Variants in CHN2 observed in about 807,000 individuals in gnomAD.
CHN2 encodes the protein beta-chimaerin.
A neutral mutation model predicts 56.3 loss-of-function variants in CHN2; 35 were observed. The ratio of observed to expected loss-of-function variants is 0.62; its 90% confidence interval spans 0.47 to 0.82. The LOEUF (loss-of-function observed/expected upper bound fraction) is 0.82, where lower values mean the gene tolerates loss of function less well. Ranked by LOEUF, CHN2 falls within the 40% of genes least tolerant of loss-of-function variation. The probability of loss-of-function intolerance (pLI) is 0.00; values close to 1 mark genes in which losing one functional copy is unlikely to be tolerated. For synonymous variants in CHN2, 210 were observed against 212.8 expected (o/e 0.99, Z 0.12); for missense variants, 491 against 580.5 (o/e 0.85, Z 1.58).
intron 1 of CHN2, among the ~76,000 whole-genome samples, chr7:29,230,655 A>T (rs1345650146): frequency 6.6e-6 from 1 of 152,194 alleles, no homozygotes; most frequent in African/African-American, 2.4e-5. Flanking sequence ...CTTTCTTAAA[A>T]ATAAAAACAA....
intron 1 of CHN2, among the ~76,000 whole-genome samples, chr7:29,272,936 G>A (rs558062221): frequency 2.5e-4 from 38 of 152,150 alleles, no homozygotes; most frequent in African/African-American, 8.9e-4. Context: ...GGAAAGAGCA[G>A]CTAAAAATCT....
chr7:29,212,916 G>C (rs1785063331), intron 1 of CHN2: 3 of 1,610,642 alleles, frequency 1.9e-6, no homozygotes, highest in Non-Finnish European at 2.5e-6. Context: ...ATTCATCCTG[G>C]AGCAACCAGA....
chr7:29,164,801 A>G (rs1019609290), intron 2 of CHN2, among the ~76,000 whole-genome samples: 1 of 142,214 alleles, frequency 7.0e-6, no homozygotes, highest in African/African-American at 2.6e-5. Context: ...AAAAAAAAAA[A>G]CAAAGATTAT....
chr7:29,427,773 A>G (rs973952406), intron 6 of CHN2, among the ~76,000 whole-genome samples: 1 of 148,806 alleles, frequency 6.7e-6, no homozygotes, highest in African/African-American at 2.5e-5. Context: ...TCTCCTGCCT[A>G]AGCCTCCTGA....
chr7:29,159,440 C>T (rs1482203923), intron 2 of CHN2, among the ~76,000 whole-genome samples: 19 of 152,134 alleles, frequency 1.2e-4, no homozygotes, highest in Admixed American at 1.2e-3. Context: ...AACTATCTGC[C>T]TTGAAAGTTG....
chr7:29,244,672 T>C (rs1022174558), intron 1 of CHN2, among the ~76,000 whole-genome samples: 1 of 152,218 alleles, frequency 6.6e-6, no homozygotes, highest in African/African-American at 2.4e-5. Context: ...ACACCATATA[T>C]TGTCATCTCC....
chr7:29,280,212 C>T (rs1025507774), intron 1 of CHN2, among the ~76,000 whole-genome samples: 13 of 151,986 alleles, frequency 8.6e-5, no homozygotes, highest in South Asian at 2.1e-4. Context: ...GGCGAAACCC[C>T]GTCTCTACTA....
chr7:29,461,348 G>A (rs1785149931), intron 6 of CHN2, among the ~76,000 whole-genome samples: 1 of 152,170 alleles, frequency 6.6e-6, no homozygotes, highest in Non-Finnish European at 1.5e-5. Context: ...GGGGTGACTA[G>A]GAGTTAACCA....
At position 29,507,383 on chromosome 7, in the gene CHN2, A is replaced by G. The variant is rs375454552; in HGVS notation, c.1129+18A>G. The G allele has an allele frequency of 1.6e-5, 26 of 1,579,712 alleles. No individual in the cohort carries two copies. Among genetic ancestry groups the G allele is most frequent in the Non-Finnish European group, 2.2e-5 (26 of 1,159,834 alleles). On this transcript the variant is annotated intron_variant, in intron 11 of 12. Coordinates refer to ENST00000222792, the MANE Select transcript of CHN2 (RefSeq NM_004067.4). ...TGCAGCAAGTAAGTACTTCAAATTA[A>G]TTTTTTATTTCTACCAAATTTTTAA...
intron 1 of CHN2, among the ~76,000 whole-genome samples, chr7:29,269,862 C>T (rs1352670666): frequency 6.6e-6 from 1 of 152,144 alleles, no homozygotes. Flanking sequence ...GAAACCTTCC[C>T]CTCAAATCAT....
In CHN2 at chr7:29,353,881, C is replaced by T. The variant is rs150630981; in HGVS notation, c.50-744C>T. Among the ~76,000 whole-genome samples the T allele has an allele frequency of 8.1e-3, 1,233 of 152,242 alleles. 10 individuals carry two copies. The highest frequency in any genetic ancestry group is 0.025 in the African/African-American group (1,043 of 41,538). ...AGGCCTTATAGCTGTGAGTGCAGGA[C>T]GACTCTAATAACTGCATCAGAATTT... On this transcript the variant is annotated intron_variant, in intron 1 of 12. Transcript: ENST00000222792.
chr7:29,409,311 T>C (rs73078602), intron 6 of CHN2, among the ~76,000 whole-genome samples: 32,699 of 152,206 alleles, frequency 0.21, 3,726 homozygotes, highest in Middle Eastern at 0.32. Flanking sequence ...TTGATATTTA[T>C]GGTATTAGAA....
chr7:29,207,459 G>C (rs906521403), intron 1 of CHN2, among the ~76,000 whole-genome samples: 1 of 152,076 alleles, frequency 6.6e-6, no homozygotes, highest in Admixed American at 6.5e-5. Context: ...ATCCCCAAAA[G>C]GCCATGGCAC....
chr7:29,213,582 G>A (rs1039000893), intron 1 of CHN2, among the ~76,000 whole-genome samples: 15 of 152,190 alleles, frequency 9.9e-5, no homozygotes, highest in Admixed American at 6.5e-4. Flanking sequence ...GTGTGATGAA[G>A]GCATATTCCT....
chr7:29,385,953 A>G (rs921397148), intron 3 of CHN2, among the ~76,000 whole-genome samples: 3 of 152,220 alleles, frequency 2.0e-5, no homozygotes, highest in African/African-American at 7.2e-5. Context: ...GTGTATGTAC[A>G]GAACTTAGCA....
intron 1 of CHN2, among the ~76,000 whole-genome samples, chr7:29,232,521 A>G (rs1786795462): frequency 6.6e-6 from 1 of 152,206 alleles, no homozygotes; most frequent in Non-Finnish European, 1.5e-5. Flanking sequence ...TATTCAACAG[A>G]TACTATTTCC....
intron 7 of CHN2, among the ~76,000 whole-genome samples, chr7:29,490,857 C>T (rs1420134): frequency 0.79 from 120,299 of 152,154 alleles, 48,495 homozygotes; most frequent in African/African-American, 0.95. Context: ...TCAATTGATA[C>T]GAATATTCCA....
At chr7:29,190,364 T>C (rs1782731960), upstream of CHN2, among the ~76,000 whole-genome samples, 3 of 152,182 alleles carry the variant, frequency 2.0e-5, no homozygotes, top group South Asian at 6.2e-4. Flanking sequence ...GAATACAGTA[T>C]TTCATTCTGT....
chr7:29,442,820 G>A (rs1783741728), intron 6 of CHN2, among the ~76,000 whole-genome samples: 1 of 151,916 alleles, frequency 6.6e-6, no homozygotes, highest in Non-Finnish European at 1.5e-5. Flanking sequence ...TTTTAAAACA[G>A]CCATTTATTT....
Sources: allele counts gnomAD v4.1 joint callset (sites outside exome capture counted in the v4.1 genomes callset), GRCh38; gene constraint gnomAD v4.1.1; transcripts MANE v1.5; gene names NCBI Gene and HGNC (gene_info 2026-07-23, HGNC 2026-07-21).